The following RYR3 variants were observed in gnomAD, a reference collection of about 807,000 sequenced individuals.
RYR3 encodes the protein ryanodine receptor 3.
In RYR3, 207 loss-of-function variants were observed where a neutral mutation model predicts 584.3. That is an observed-to-expected ratio of 0.35 (90% CI 0.32 to 0.40). RYR3 has a LOEUF of 0.40. RYR3 is among the 10% of genes least tolerant of loss of function. The pLI is 1.00. For synonymous variants in RYR3, 2,416 were observed against 2,248.5 expected (o/e 1.07, Z -2.11); for missense variants, 5,616 against 6,089.2 (o/e 0.92, Z 2.59).
chr15:33,816,826 A>T (rs1243877145), intron 74 of RYR3, 36 bp from the exon 75 acceptor site: 2 of 1,367,786 alleles, frequency 1.5e-6, no homozygotes, highest in South Asian at 1.2e-5. Flanking sequence ...AGTTCCATGG[A>T]TCCCTCTTGA....
intron 3 of RYR3, among the ~76,000 whole-genome samples, chr15:33,520,155 G>A (rs1375150382): frequency 6.6e-6 from 1 of 152,190 alleles, no homozygotes; most frequent in Non-Finnish European, 1.5e-5. Flanking sequence ...CTGCTTTATA[G>A]CTTGTGTGGG....
At chr15:33,741,625 T>G (rs1035183421) in intron 51 of RYR3, among the ~76,000 whole-genome samples, 1 of 151,898 alleles carries the variant, frequency 6.6e-6, no homozygotes, top group Non-Finnish European at 1.5e-5. Flanking sequence ...TTTTGTTTTG[T>G]TTTTTTGAGA....
intron 42 of RYR3, among the ~76,000 whole-genome samples, chr15:33,702,854 A>G (rs1431493287): frequency 2.0e-5 from 3 of 152,184 alleles, no homozygotes; most frequent in African/African-American, 4.8e-5. Context: ...AAAACCCAGC[A>G]AATCTAGTAT....
intron 1 of RYR3, among the ~76,000 whole-genome samples, chr15:33,443,319 A>C (rs1165276112): frequency 3.9e-5 from 6 of 152,198 alleles, no homozygotes; most frequent in Non-Finnish European, 1.5e-5. Flanking sequence ...ACAGCTAAAA[A>C]ATAAACTAAA....
Position 33,319,365 on chromosome 15 carries a change from T to A in RYR3, c.51+8269T>A, listed in dbSNP as rs573381146. Among the ~76,000 whole-genome samples the A allele has an allele frequency of 4.0e-4, 61 of 152,334 alleles. 1 individual carries two copies. The South Asian group carries it at 0.011, about 28-fold the overall frequency. On this transcript the variant is annotated intron_variant, in intron 1 of 103. Coordinates refer to ENST00000634891, the MANE Select transcript of RYR3 (RefSeq NM_001036.6). ...CAGATCAAAATAGGACAGCTGGTCT[T>A]GGAGTAGCATAAGCCCCTCCTAAGT...
At chr15:33,855,708 C>T (rs1006715723) in intron 98 of RYR3, among the ~76,000 whole-genome samples, 1 of 151,948 alleles carries the variant, frequency 6.6e-6, no homozygotes, top group Non-Finnish European at 1.5e-5. Flanking sequence ...TTGTTATACA[C>T]ATAGTACACA....
intron 58 of RYR3, among the ~76,000 whole-genome samples, chr15:33,756,032 C>T (rs897913082): frequency 5.9e-5 from 9 of 152,266 alleles, no homozygotes; most frequent in African/African-American, 2.2e-4. Context: ...CTTCAGCTTC[C>T]CAAAGTGTTG....
chr15:33,856,549 T>C (rs1017707069), intron 98 of RYR3: 2 of 152,328 alleles, frequency 1.3e-5, no homozygotes, highest in African/African-American at 2.4e-5. Flanking sequence ...ACCATCATAA[T>C]TCTTAGAGTA....
chr15:33,610,982 AT>A (rs1410472685), intron 18 of RYR3, among the ~76,000 whole-genome samples: 3 of 152,164 alleles, frequency 2.0e-5, no homozygotes, highest in African/African-American at 7.2e-5. Flanking sequence ...GGATTTTTAG[AT>A]TAAGGATGCT....
chr15:33,757,676 G>T, intron 60 of RYR3, 80 bp downstream of exon 60: 3 of 1,437,534 alleles, frequency 2.1e-6, no homozygotes, highest in East Asian at 2.4e-5. Context: ...ACTAAAAGGC[G>T]AGTCTTTTGG....
intron 2 of RYR3, among the ~76,000 whole-genome samples, chr15:33,487,601 T>C (rs568235519): frequency 2.0e-5 from 3 of 152,188 alleles, no homozygotes; most frequent in Non-Finnish European, 4.4e-5. Context: ...TTCAATCTTA[T>C]GCACATATGG....
chr15:33,545,016 A>G (rs2056131485), intron 8 of RYR3, among the ~76,000 whole-genome samples: 2 of 152,134 alleles, frequency 1.3e-5, no homozygotes, highest in African/African-American at 4.8e-5. Context: ...CTTTGATATC[A>G]TATCCTGCTG....
chr15:33,469,557 TG>T (rs1422256751), intron 1 of RYR3, among the ~76,000 whole-genome samples: 1 of 150,798 alleles, frequency 6.6e-6, no homozygotes, highest in Admixed American at 6.7e-5. Flanking sequence ...GAGATAATGA[TG>T]TGTAAGCTGA....
chr15:33,367,702 C>T (rs1293212072), intron 1 of RYR3, among the ~76,000 whole-genome samples: 2 of 152,136 alleles, frequency 1.3e-5, no homozygotes, highest in Admixed American at 1.3e-4. Flanking sequence ...CAGCCAGACC[C>T]ATTTTTATAG....
At position 33,435,224 on chromosome 15, in the gene RYR3, C is replaced by T. The variant is rs543212929; in HGVS notation, c.52-38195C>T. ...ATCATTTCATCACCCAGGTATTAAGCCTAGAACCACCCATTAGTTATTTTT... is the reference window on the plus strand; with the variant it reads ...ATCATTTCATCACCCAGGTATTAAGTCTAGAACCACCCATTAGTTATTTTT... On this transcript the variant is annotated intron_variant, in intron 1 of 103. Transcript: ENST00000634891. 1.3e-4 allele frequency among the ~76,000 whole-genome samples: 20 copies of T among 152,210 alleles called. No individual in the cohort carries two copies. In the South Asian group the frequency reaches 2.5e-3, roughly 19 times the overall value.
intron 3 of RYR3, among the ~76,000 whole-genome samples, chr15:33,506,281 T>A (rs1306037059): frequency 6.6e-6 from 1 of 152,220 alleles, no homozygotes; most frequent in Non-Finnish European, 1.5e-5. Context: ...GAAGTTTGTT[T>A]AATATAATTA....
chr15:33,788,173 T>C, intron 66 of RYR3, 45 bp from the exon 67 acceptor site: 2 of 1,608,794 alleles, frequency 1.2e-6, no homozygotes, highest in Non-Finnish European at 8.5e-7. Flanking sequence ...TTTTCATCAA[T>C]TGCCATAATA....
intron 67 of RYR3, among the ~76,000 whole-genome samples, chr15:33,794,277 A>G (rs1255785669): frequency 8.6e-6 from 1 of 116,608 alleles, no homozygotes; most frequent in African/African-American, 2.9e-5. Flanking sequence ...ATAGATAGGT[A>G]AGGAAAGAAA....
intron 1 of RYR3, among the ~76,000 whole-genome samples, chr15:33,386,951 A>G (rs2596203): frequency 0.76 from 115,441 of 151,628 alleles, 44,046 homozygotes; most frequent in Non-Finnish European, 0.78. Context: ...TCCGCCTCCC[A>G]GGTTCATGCC....
Sources: allele counts gnomAD v4.1 joint callset (sites outside exome capture counted in the v4.1 genomes callset), GRCh38; gene constraint gnomAD v4.1.1; transcripts MANE v1.5; gene names NCBI Gene and HGNC (gene_info 2026-07-23, HGNC 2026-07-21).